Variants in ABCG2 observed in about 807,000 individuals in gnomAD.
ABCG2 encodes the protein ATP binding cassette subfamily G member 2 (JR blood group), also known as broad substrate specificity ATP-binding cassette transporter ABCG2.
A neutral mutation model predicts 73.5 loss-of-function variants in ABCG2; 80 were observed. The observed-to-expected ratio is 1.09, with a 90% CI of 0.91 to 1.31. ABCG2 has a LOEUF of 1.31. ABCG2 is among the 50% of genes most tolerant of loss of function. ABCG2 has a pLI of 0.00. For synonymous variants in ABCG2, 269 were observed against 282.4 expected (o/e 0.95, Z 0.48); for missense variants, 796 against 786.2 (o/e 1.01, Z -0.15).
At chr4:88,143,199 G>A (rs2110060982) in intron 1 of ABCG2, among the ~76,000 whole-genome samples, 1 of 152,176 alleles carries the variant, frequency 6.6e-6, no homozygotes, top group Non-Finnish European at 1.5e-5. Context: ...GGTGTCTGAG[G>A]GGAGTCTTGG....
chr4:88,187,554 G>A (rs191716834), intron 1 of ABCG2, among the ~76,000 whole-genome samples: 5 of 151,654 alleles, frequency 3.3e-5, no homozygotes, highest in Admixed American at 6.6e-5. Flanking sequence ...CAGAGGTTGC[G>A]GCAAGCCAAG....
At chr4:88,190,450 T>C (rs1378315528) in intron 1 of ABCG2, among the ~76,000 whole-genome samples, 1 of 152,200 alleles carries the variant, frequency 6.6e-6, no homozygotes, top group Non-Finnish European at 1.5e-5. Context: ...CAGGAGTCTA[T>C]TTACAAAATT....
At chr4:88,104,851 C>A (rs1254990380) in intron 10 of ABCG2, among the ~76,000 whole-genome samples, 2 of 152,088 alleles carry the variant, frequency 1.3e-5, no homozygotes, top group African/African-American at 4.8e-5. Flanking sequence ...GAAGAAACAC[C>A]TAAAGTTCTT....
intron 1 of ABCG2, among the ~76,000 whole-genome samples, chr4:88,219,954 CT>C (rs1394109334): frequency 7.1e-6 from 1 of 140,948 alleles, no homozygotes; most frequent in African/African-American, 2.5e-5. Context: ...TCTAGAACTT[CT>C]TTCATCTTCC....
rs1354959820 is a variant in ABCG2, at chr4:88,099,307, T to C, written c.1492+17A>G. 4.5e-6 allele frequency: 7 copies of C among 1,566,380 alleles called. No individual in the cohort carries two copies. In the African/African-American group the frequency reaches 6.9e-5, roughly 15 times the overall value. ...AAGACTAAAGACATGTCCTTTTTTG[T>C]TTTGTTACATACTTACCTAACATGA... is the stretch of plus-strand genomic sequence containing the variant. On this transcript the variant is annotated intron_variant, in intron 12 of 15. Transcript: ENST00000237612.
chr4:88,109,689 T>C (rs12505410), intron 9 of ABCG2, among the ~76,000 whole-genome samples: 2 of 152,062 alleles, frequency 1.3e-5, no homozygotes, highest in African/African-American at 4.8e-5. Flanking sequence ...CTTTGGAAGA[T>C]GCATTATCAG....
At chr4:88,168,485 C>CAA (rs5860121) in intron 1 of ABCG2, among the ~76,000 whole-genome samples, 71 of 137,744 alleles carry the variant, frequency 5.2e-4, no homozygotes, top group Non-Finnish European at 7.1e-4. Flanking sequence ...GGCTTCCTCT[C>CAA]AAAAAAAAAA....
intron 1 of ABCG2, among the ~76,000 whole-genome samples, chr4:88,205,873 G>A (rs1212965806): frequency 6.6e-6 from 1 of 152,060 alleles, no homozygotes; most frequent in Non-Finnish European, 1.5e-5. Context: ...AGTAGAGATG[G>A]GGTTTCCCCA....
chr4:88,121,634 C>A lies in ABCG2; in HGVS notation c.689+1G>T. 1 of 1,613,232 alleles carries A rather than the reference C, an allele frequency of 6.2e-7. No homozygotes were observed. The highest frequency in any genetic ancestry group is 1.3e-5 in the African/African-American group (1 of 75,014). On this transcript the variant is annotated splice_donor_variant, in intron 6 of 15. Transcript: ENST00000237612. LOFTEE classifies it high-confidence loss of function. ...AAGAATAATGTTTCCAGAGCATTTACCTTTTCAGGAGCAAAAGGACAGCAT... is the reference window on the plus strand; with the variant it reads ...AAGAATAATGTTTCCAGAGCATTTAACTTTTCAGGAGCAAAAGGACAGCAT...
intron 1 of ABCG2, among the ~76,000 whole-genome samples, chr4:88,175,546 A>G (rs918226708): frequency 6.6e-6 from 1 of 151,306 alleles, no homozygotes; most frequent in African/African-American, 2.4e-5. Context: ...TTTGTTTTCA[A>G]AATAACAAGT....
chr4:88,196,490 A>G (rs1436515266), intron 1 of ABCG2, among the ~76,000 whole-genome samples: 1 of 152,168 alleles, frequency 6.6e-6, no homozygotes, highest in Admixed American at 6.6e-5. Flanking sequence ...ATGAGTGGAG[A>G]CAGCTTCACA....
intron 1 of ABCG2, among the ~76,000 whole-genome samples, chr4:88,210,485 T>C (rs968490247): frequency 1.3e-5 from 2 of 152,186 alleles, no homozygotes; most frequent in African/African-American, 4.8e-5. Context: ...TTTACATTCA[T>C]CCCATTCAGT....
At chr4:88,094,505 T>G (rs1721852798) in intron 15 of ABCG2, 72 bp downstream of exon 15, 4 of 1,351,396 alleles carry the variant, frequency 3.0e-6, no homozygotes, top group Non-Finnish European at 3.2e-6. Flanking sequence ...CATACAGATC[T>G]AAGCCCAGTA....
intron 10 of ABCG2, among the ~76,000 whole-genome samples, chr4:88,101,803 G>A (rs1722442158): frequency 6.6e-6 from 1 of 152,176 alleles, no homozygotes; most frequent in South Asian, 2.1e-4. Flanking sequence ...AGCAATGCTG[G>A]CATCCTGATC....
At chr4:88,116,056 G>A (rs898956588) in intron 7 of ABCG2, among the ~76,000 whole-genome samples, 1 of 152,148 alleles carries the variant, frequency 6.6e-6, no homozygotes, top group Non-Finnish European at 1.5e-5. Context: ...TTAGCCAGGT[G>A]CATTGGCTTA....
intron 11 of ABCG2, 32 bp from the exon 12 acceptor site, chr4:88,099,480 A>C (rs367793642): frequency 6.4e-7 from 1 of 1,569,232 alleles, no homozygotes; most frequent in African/African-American, 1.4e-5. Flanking sequence ...CATACATCCA[A>C]GATTAGTTTA....
chr4:88,139,813 T>C lies in ABCG2; in HGVS notation c.183A>G (p.Lys61=). Residue 61 remains lysine, a synonymous_variant, in exon 2 of 16, where the codon AAA becomes AAG. Coordinates refer to ENST00000237612, the MANE Select transcript of ABCG2 (RefSeq NM_004827.3). ...GFLPCRKPVE[K]EILSNINGIM... Reference sequence around the variant, plus strand: ...CATACTTGATATTCGATAATATTTCTTTCTCAACTGGTTTTCGACAAGGTA... The same window carrying C: ...CATACTTGATATTCGATAATATTTCCTTCTCAACTGGTTTTCGACAAGGTA... 1.2e-6 allele frequency: 2 copies of C among 1,614,036 alleles called. No individual in the cohort carries two copies. Among genetic ancestry groups the C allele is most frequent in the Non-Finnish European group, 1.7e-6 (2 of 1,179,956 alleles).
chr4:88,131,298 C>G, intron 4 of ABCG2, 85 bp from the exon 5 acceptor site: 1 of 1,383,520 alleles, frequency 7.2e-7, no homozygotes, highest in African/African-American at 1.4e-5. Context: ...TAACATAATC[C>G]ACAAAGATAA....
chr4:88,221,323 T>C (rs1003521785), intron 1 of ABCG2, among the ~76,000 whole-genome samples: 1 of 152,126 alleles, frequency 6.6e-6, no homozygotes, highest in East Asian at 1.9e-4. Flanking sequence ...TATTTTTTCA[T>C]AGCAGCATGA....
Sources: gnomAD v4.1 joint callset for allele counts (sites outside exome capture counted in the v4.1 genomes callset) on GRCh38, gnomAD v4.1.1 for gene constraint, MANE v1.5 for transcripts, NCBI Gene and HGNC (gene_info 2026-07-23, HGNC 2026-07-21) for gene names.